Variants in NEMP2 observed in about 807,000 individuals in gnomAD.
The protein encoded by NEMP2 is UPF0571 transmembrane protein.
NEMP2 carries 53 observed loss-of-function variants against 54.2 expected under a neutral mutation model. The ratio of observed to expected loss-of-function variants is 0.98; its 90% CI spans 0.78 to 1.23. The LOEUF is 1.23. NEMP2 is among the 50% of genes most tolerant of loss of function. The pLI is 0.00. For synonymous variants in NEMP2, 197 were observed against 190.3 expected, an observed-to-expected ratio of 1.04 and a Z score of -0.29; for missense variants, 455 against 511.3, an observed-to-expected ratio of 0.89 and a Z score of 1.06.
At chr2:190,562,006 C>T in the NEMP2 span, among the ~76,000 whole-genome samples, 12 of 152,052 alleles carry the variant, frequency 7.9e-5, 1 homozygote, top group Admixed American at 4.6e-4. This position sits in a 1 kb window ranked among gnomAD's most constrained non-coding sequence, Gnocchi z 5.0. Flanking sequence ...ATTCTTAATA[C>T]ATAGAAATGT....
chr2:190,562,285 A>G, the NEMP2 span, among the ~76,000 whole-genome samples: 2 of 152,306 alleles, frequency 1.3e-5, no homozygotes, highest in South Asian at 4.1e-4. This position sits in a 1 kb window ranked among gnomAD's most constrained non-coding sequence, Gnocchi z 5.0. Flanking sequence ...ACACTGTTAC[A>G]CAGTGAGCTA....
chr2:190,507,028 A>AAG lies in NEMP2; in HGVS notation c.*2159_*2160dup, dbSNP rs1239956869. On this transcript the variant is annotated 3_prime_UTR_variant, in exon 9 of 9. Coordinates refer to ENST00000409150, the MANE Select transcript of NEMP2 (RefSeq NM_001142645.2). This position sits in a 1 kb window ranked among gnomAD's most constrained non-coding sequence, Gnocchi z 4.4. ...AAGAAAGGAGGGAAACATTTCTTGG[A>AAG]AGAGTTATCTGTACATTGCTTGATG... The AAG allele has an allele frequency of 1.3e-5, 2 of 152,248 alleles. No homozygotes were observed. The highest frequency in any genetic ancestry group is 2.9e-5 in the Non-Finnish European group (2 of 68,060). The allele number at this position is 152,248 out of a possible 1,614,324, so 9.4% of individuals were successfully genotyped here.
the NEMP2 span, among the ~76,000 whole-genome samples, chr2:190,552,841 T>C: frequency 6.6e-6 from 1 of 152,202 alleles, no homozygotes; most frequent in African/African-American, 2.4e-5. Context: ...GTTTAGGGAA[T>C]GTGTTCTCAA....
At chr2:190,620,581 T>C in the NEMP2 span, among the ~76,000 whole-genome samples, 4 of 152,200 alleles carry the variant, frequency 2.6e-5, no homozygotes, top group Admixed American at 6.5e-5. This position sits in a 1 kb window ranked among gnomAD's most constrained non-coding sequence, Gnocchi z 4.9. Flanking sequence ...GCCCTGACCA[T>C]GAATGGCATT....
the NEMP2 span, among the ~76,000 whole-genome samples, chr2:190,432,062 C>G: frequency 6.6e-6 from 1 of 152,180 alleles, no homozygotes; most frequent in Non-Finnish European, 1.5e-5. Flanking sequence ...AGACTTTCCT[C>G]AAATGTCTTA....
At chr2:190,484,232 G>A in the NEMP2 span, among the ~76,000 whole-genome samples, 2 of 152,108 alleles carry the variant, frequency 1.3e-5, no homozygotes, top group Non-Finnish European at 2.9e-5. Context: ...GGGAGTAATA[G>A]CTTGTATTTT....
the NEMP2 span, among the ~76,000 whole-genome samples, chr2:190,619,301 C>G: frequency 6.7e-6 from 1 of 149,996 alleles, no homozygotes; most frequent in Non-Finnish European, 1.5e-5. This position sits in a 1 kb window ranked among gnomAD's most constrained non-coding sequence, Gnocchi z 5.5. Flanking sequence ...CACTGGAGAC[C>G]AGCCTGGGCA....
At chr2:190,575,298 A>T in the NEMP2 span, among the ~76,000 whole-genome samples, 1 of 151,696 alleles carries the variant, frequency 6.6e-6, no homozygotes, top group Non-Finnish European at 1.5e-5. Context: ...CTCAAATTCT[A>T]AAGTATCTGA....
the NEMP2 span, among the ~76,000 whole-genome samples, chr2:190,569,498 T>A: frequency 5.9e-5 from 9 of 152,362 alleles, no homozygotes; most frequent in African/African-American, 1.7e-4. Context: ...ATTTTAAAAA[T>A]CTTTAACATC....
Position 190,509,637 on chromosome 2 carries a change from TC to T in NEMP2, c.1131-326del, listed in dbSNP as rs1401962130. Among the ~76,000 whole-genome samples the T allele has an allele frequency of 4.6e-5, 7 of 152,250 alleles. No homozygotes were observed. The highest frequency in any genetic ancestry group is 1.0e-4 in the Non-Finnish European group (7 of 68,038). ...TATTCATTATTTTGTTTCAAATACT[TC>T]CCCCTTCCATCTTTAATTTGAGGGC... On this transcript the variant is annotated intron_variant, in intron 8 of 8. Coordinates refer to ENST00000409150, the MANE Select transcript of NEMP2 (RefSeq NM_001142645.2). The surrounding 1 kb of genome is among the most constrained non-coding windows in gnomAD (Gnocchi z 6.1).
At chr2:190,552,712 C>G in the NEMP2 span, among the ~76,000 whole-genome samples, 2 of 130,512 alleles carry the variant, frequency 1.5e-5, no homozygotes, top group Non-Finnish European at 3.5e-5. Context: ...AGAGTGAGAA[C>G]CTATCTCAAA....
the NEMP2 span, chr2:190,437,671 G>A: frequency 2.3e-6 from 3 of 1,283,860 alleles, no homozygotes; most frequent in Non-Finnish European, 3.2e-6. This position sits in a 1 kb window ranked among gnomAD's most constrained non-coding sequence, Gnocchi z 5.9. Flanking sequence ...GTTGAGGATA[G>A]GGTTGGAGTG....
the NEMP2 span, among the ~76,000 whole-genome samples, chr2:190,572,134 G>A: frequency 5.3e-5 from 8 of 152,004 alleles, no homozygotes; most frequent in African/African-American, 1.7e-4. Flanking sequence ...GAGAAGGTCT[G>A]TTTTCCTTCC....
chr2:190,591,356 T>C, the NEMP2 span, among the ~76,000 whole-genome samples: 1 of 152,186 alleles, frequency 6.6e-6, no homozygotes, highest in African/African-American at 2.4e-5. The surrounding 1 kb of genome is among the most constrained non-coding windows in gnomAD (Gnocchi z 5.4). Flanking sequence ...TATGAATATG[T>C]TCAAAGAATT....
At chr2:190,562,309 C>T in the NEMP2 span, among the ~76,000 whole-genome samples, 1 of 152,126 alleles carries the variant, frequency 6.6e-6, no homozygotes, top group Non-Finnish European at 1.5e-5. The surrounding 1 kb of genome is among the most constrained non-coding windows in gnomAD (Gnocchi z 5.0). Flanking sequence ...GTTCCCAGTC[C>T]CTCCCATCTG....
the NEMP2 span, among the ~76,000 whole-genome samples, chr2:190,549,899 T>TTC: frequency 6.6e-6 from 1 of 152,196 alleles, no homozygotes; most frequent in Non-Finnish European, 1.5e-5. Flanking sequence ...TAATGCTTGG[T>TTC]TCTACCTGGT....
the NEMP2 span, among the ~76,000 whole-genome samples, chr2:190,430,845 TGACCCCCCACCTCCCTCCC>T: frequency 1.5e-4 from 21 of 136,370 alleles, no homozygotes; most frequent in South Asian, 2.8e-4. Flanking sequence ...GGGCGGGGGC[TGACCCCCCACCTCCCTCCC>T]GGACGGGGCG....
chr2:190,439,482 A>T, the NEMP2 span, among the ~76,000 whole-genome samples: 4 of 152,172 alleles, frequency 2.6e-5, no homozygotes, highest in African/African-American at 7.2e-5. The surrounding 1 kb of genome is among the most constrained non-coding windows in gnomAD (Gnocchi z 5.8). Flanking sequence ...TTATTTCCAC[A>T]TGCTAAGAAA....
the NEMP2 span, among the ~76,000 whole-genome samples, chr2:190,444,304 A>G: frequency 6.6e-6 from 1 of 152,212 alleles, no homozygotes; most frequent in Non-Finnish European, 1.5e-5. Context: ...GTGTATGAGT[A>G]TTCTTGGTCA....
Sources: gnomAD v4.1 joint callset for allele counts (sites outside exome capture counted in the v4.1 genomes callset) on GRCh38, gnomAD v4.1.1 for gene constraint, Gnocchi (gnomAD v3.1) non-coding constraint, MANE v1.5 for transcripts, NCBI Gene and HGNC (gene_info 2026-07-23, HGNC 2026-07-21) for gene names.